SLC16A10: variants seen among roughly 807,000 people sequenced by gnomAD.
The protein encoded by SLC16A10 is solute carrier family 16 member 10.
Under a neutral mutation model 40.0 loss-of-function variants are expected in SLC16A10, and 27 were observed. That is an observed-to-expected ratio of 0.67 (90% CI 0.50 to 0.93). SLC16A10 has a LOEUF of 0.93. Among genes scored for constraint, SLC16A10 ranks in the 40% least tolerant of loss-of-function variants. The pLI, the probability that SLC16A10 is intolerant of heterozygous loss-of-function variation, is 0.00. For synonymous variants in SLC16A10, 213 were observed against 249.8 expected, an observed-to-expected ratio of 0.85 and a Z score of 1.39; for missense variants, 529 against 658.2, an observed-to-expected ratio of 0.80 and a Z score of 2.15.
intron 3 of SLC16A10, among the ~76,000 whole-genome samples, chr6:111,180,441 T>C (rs548885609): frequency 1.2e-4 from 18 of 152,218 alleles, no homozygotes; most frequent in Admixed American, 8.5e-4. Context: ...CCCAGCTACT[T>C]GGGAGGCTGG....
At position 111,194,021 on chromosome 6, in the gene SLC16A10, C is replaced by T. The variant is rs548203242; in HGVS notation, c.943-12571C>T. ...TGGGTAGGATAGACTGAACACTCCA[C>T]AAGGGTAGGGAGAGCGTCTTCTCTT... On this transcript the variant is annotated intron_variant, in intron 3 of 5. Transcript: ENST00000368851. Among the ~76,000 whole-genome samples, 4 of 152,278 alleles carry T rather than the reference C, an allele frequency of 2.6e-5. No individual in the cohort carries two copies. The South Asian group carries it at 6.2e-4, about 24-fold the overall frequency.
At chr6:111,183,105 AAT>A (rs1772832816) in intron 3 of SLC16A10, among the ~76,000 whole-genome samples, 1 of 152,152 alleles carries the variant, frequency 6.6e-6, no homozygotes, top group African/African-American at 2.4e-5. Flanking sequence ...AGTAAAAACC[AAT>A]ATCCTTACAG....
At chr6:111,146,660 C>A (rs1772083757) in intron 1 of SLC16A10, among the ~76,000 whole-genome samples, 1 of 152,020 alleles carries the variant, frequency 6.6e-6, no homozygotes, top group Non-Finnish European at 1.5e-5. Flanking sequence ...TGTCGTGAAC[C>A]CGGCAGGCGG....
At chr6:111,111,039 T>TA (rs1359367780) in intron 1 of SLC16A10, among the ~76,000 whole-genome samples, 3 of 152,154 alleles carry the variant, frequency 2.0e-5, no homozygotes, top group Admixed American at 6.6e-5. Context: ...TTGGTCAACT[T>TA]ACTGTAAATT....
intron 1 of SLC16A10, among the ~76,000 whole-genome samples, chr6:111,129,269 G>A (rs890281445): frequency 6.6e-6 from 1 of 152,212 alleles, no homozygotes; most frequent in Non-Finnish European, 1.5e-5. Flanking sequence ...AAAGAAGGAA[G>A]GGGGGTTGGG....
At chr6:111,161,537 C>T (rs1301271844) in intron 1 of SLC16A10, among the ~76,000 whole-genome samples, 1 of 152,028 alleles carries the variant, frequency 6.6e-6, no homozygotes, top group Non-Finnish European at 1.5e-5. Flanking sequence ...TTCCTGCTGA[C>T]AGGGGTGCGG....
chr6:111,134,260 G>T (rs1265894958), intron 1 of SLC16A10, among the ~76,000 whole-genome samples: 1 of 152,148 alleles, frequency 6.6e-6, no homozygotes, highest in Admixed American at 6.5e-5. Context: ...CTAGGAAGAA[G>T]CCTATGAATT....
Position 111,222,204 on chromosome 6 carries a change from T to G in SLC16A10, c.1517T>G (p.Met506Arg). The change falls in exon 6 of 6, where the codon ATG (methionine) becomes AGG (arginine). Residue 506 changes from methionine to arginine, a missense_variant. Met to Arg is a moderately conservative substitution (Grantham distance 91, BLOSUM62 -1). Transcript: ENST00000368851. ...TCTCTGCTGTCAAGTTCATCTGGAA[T>G]GTTCAAGAAAGAATCTGACTCTATT... is the stretch of plus-strand genomic sequence containing the variant. ...QNSLLSSSSG[M>R]FKKESDSII 6.2e-7 allele frequency: 1 copy of G among 1,605,920 alleles called. No individual in the cohort carries two copies. The highest frequency in any genetic ancestry group is 8.5e-7 in the Non-Finnish European group (1 of 1,177,866).
chr6:111,179,196 T>C (rs1213535767), intron 3 of SLC16A10, among the ~76,000 whole-genome samples: 1 of 152,198 alleles, frequency 6.6e-6, no homozygotes, highest in Non-Finnish European at 1.5e-5. Flanking sequence ...GCTTTGCTAA[T>C]ACTAGACATT....
intron 4 of SLC16A10, 80 bp downstream of exon 4, chr6:111,206,815 A>C: frequency 6.6e-7 from 1 of 1,511,946 alleles, no homozygotes. Context: ...TACATGCTTA[A>C]ATTCTTTTTT....
intron 1 of SLC16A10, among the ~76,000 whole-genome samples, chr6:111,157,902 G>T (rs953149282): frequency 7.0e-5 from 10 of 143,056 alleles, no homozygotes; most frequent in African/African-American, 2.3e-4. Flanking sequence ...TGCTATATCC[G>T]ACTAAAAAAA....
chr6:111,097,173 C>A (rs1179779644), intron 1 of SLC16A10, among the ~76,000 whole-genome samples: 1 of 152,086 alleles, frequency 6.6e-6, no homozygotes, highest in Non-Finnish European at 1.5e-5. Context: ...ACATAAAAGT[C>A]TCATGGTACT....
At chr6:111,169,193 T>G (rs1204590532) in intron 1 of SLC16A10, among the ~76,000 whole-genome samples, 1 of 152,210 alleles carries the variant, frequency 6.6e-6, no homozygotes, top group East Asian at 1.9e-4. Context: ...GAAATGTATT[T>G]CCTGCAGATT....
At chr6:111,173,044 A>G (rs1772616038) in intron 2 of SLC16A10, among the ~76,000 whole-genome samples, 1 of 152,170 alleles carries the variant, frequency 6.6e-6, no homozygotes, top group Admixed American at 6.5e-5. Context: ...TGTAATGCCT[A>G]AGACTTAGAC....
At chr6:111,100,958 C>CT (rs1491522497) in intron 1 of SLC16A10, among the ~76,000 whole-genome samples, 875 of 66,464 alleles carry the variant, frequency 0.013, 27 homozygotes, top group East Asian at 0.04. Flanking sequence ...CTCTTTCTCT[C>CT]CCTCTCTCTC....
intron 1 of SLC16A10, among the ~76,000 whole-genome samples, chr6:111,112,693 C>A (rs932164687): frequency 7.2e-5 from 11 of 152,280 alleles, no homozygotes; most frequent in African/African-American, 1.9e-4. Flanking sequence ...ATTCCAATGT[C>A]TATTTAATTA....
At chr6:111,139,127 T>C (rs1255069060) in intron 1 of SLC16A10, among the ~76,000 whole-genome samples, 8 of 138,498 alleles carry the variant, frequency 5.8e-5, no homozygotes, top group Non-Finnish European at 1.2e-4. Flanking sequence ...AAACAACCTA[T>C]ATACAGAATA....
chr6:111,146,653 CGTGAACCCGGCAGGCGGG>C (rs1440732788), intron 1 of SLC16A10, among the ~76,000 whole-genome samples: 1 of 151,976 alleles, frequency 6.6e-6, no homozygotes, highest in African/African-American at 2.4e-5. Context: ...AGGAGAATGT[CGTGAACCCGGCAGGCGGG>C]GCTTGCAGTG....
At chr6:111,217,407 T>G (rs1328186377) in intron 4 of SLC16A10, among the ~76,000 whole-genome samples, 4 of 152,170 alleles carry the variant, frequency 2.6e-5, no homozygotes, top group Non-Finnish European at 5.9e-5. Flanking sequence ...TTTTAAAAAT[T>G]TTTTCTGCTG....
Sources: allele counts gnomAD v4.1 joint callset (sites outside exome capture counted in the v4.1 genomes callset), GRCh38; gene constraint gnomAD v4.1.1; transcripts MANE v1.5; gene names NCBI Gene and HGNC (gene_info 2026-07-23, HGNC 2026-07-21).